Variants in PPFIBP2 observed in about 807,000 individuals in gnomAD.
PPFIBP2 encodes PPFIB scaffold protein 2.
PPFIBP2 carries 118 observed loss-of-function variants against 118.3 expected under a neutral mutation model. The observed-to-expected ratio is 1.00, with a 90% CI of 0.86 to 1.16. The LOEUF is 1.16. PPFIBP2 is among the 50% of genes most tolerant of loss of function. The probability of loss-of-function intolerance (pLI) is 0.00; values close to 1 mark genes in which losing one functional copy is unlikely to be tolerated. For missense variants in PPFIBP2, 1,195 were observed against 1,073.1 expected (o/e 1.11, Z -1.59); for synonymous variants, 414 against 397.4 (o/e 1.04, Z -0.50).
At chr11:7,521,019 T>G (rs1362764043) in intron 1 of PPFIBP2, among the ~76,000 whole-genome samples, 13 of 152,244 alleles carry the variant, frequency 8.5e-5, no homozygotes, top group African/African-American at 3.1e-4. Context: ...TGTTTAGCTT[T>G]AGGCCCAGAT....
rs548628131 is a variant in PPFIBP2, at chr11:7,531,562, G to A, written c.-37+17441G>A. 6.0e-4 allele frequency among the ~76,000 whole-genome samples: 92 copies of A among 152,296 alleles called. 1 individual carries two copies. The highest frequency in any genetic ancestry group is 3.5e-3 in the Admixed American group (54 of 15,292). ...GAGGATGTGAAGAAAGTCTCTCCTG[G>A]ATTAAGAGGGAAGGGGAACACCAGT... On this transcript the variant is annotated intron_variant, in intron 1 of 23. Transcript: ENST00000299492.
chr11:7,622,787 T>C (rs1849505928), intron 7 of PPFIBP2, among the ~76,000 whole-genome samples: 1 of 152,196 alleles, frequency 6.6e-6, no homozygotes, highest in Non-Finnish European at 1.5e-5. Context: ...GCTCAGAACC[T>C]TCCATCACAA....
At chr11:7,572,928 C>T (rs1021951685) in intron 3 of PPFIBP2, among the ~76,000 whole-genome samples, 1 of 152,162 alleles carries the variant, frequency 6.6e-6, no homozygotes, top group African/African-American at 2.4e-5. Context: ...TGCAGTTGTG[C>T]ACCACCACAC....
chr11:7,637,858 TCCTTGGGTTAG>T (rs1851647474), intron 14 of PPFIBP2, among the ~76,000 whole-genome samples: 2 of 152,164 alleles, frequency 1.3e-5, no homozygotes, highest in African/African-American at 2.4e-5. Flanking sequence ...TTAAACCCCA[TCCTTGGGTTAG>T]GTATGTGTTC....
chr11:7,562,929 T>TATATATA (rs1854461778), intron 2 of PPFIBP2, among the ~76,000 whole-genome samples: 2 of 86,536 alleles, frequency 2.3e-5, no homozygotes, highest in Non-Finnish European at 2.5e-5. Context: ...AATTAAAGTT[T>TATATATA]TATATATATA....
chr11:7,615,331 G>A (rs1449295277), intron 6 of PPFIBP2, among the ~76,000 whole-genome samples: 7 of 116,802 alleles, frequency 6.0e-5, no homozygotes, highest in East Asian at 2.1e-4. Context: ...GTGAGACTCC[G>A]TCTCAAAAAA....
chr11:7,646,122 T>G (rs1306770346), intron 17 of PPFIBP2, among the ~76,000 whole-genome samples: 2 of 152,264 alleles, frequency 1.3e-5, no homozygotes, highest in Non-Finnish European at 2.9e-5. Context: ...TCATATAAGA[T>G]GAATGATATG....
chr11:7,635,950 T>C (rs1010628450), intron 14 of PPFIBP2, among the ~76,000 whole-genome samples: 2 of 152,198 alleles, frequency 1.3e-5, no homozygotes, highest in Non-Finnish European at 2.9e-5. Context: ...TGATATGTCA[T>C]GGTTAAAAAA....
chr11:7,595,405 A>C (rs1860102096), intron 4 of PPFIBP2, among the ~76,000 whole-genome samples: 1 of 152,228 alleles, frequency 6.6e-6, no homozygotes, highest in Admixed American at 6.5e-5. Flanking sequence ...TTCATGATTG[A>C]AATAGCACAT....
chr11:7,583,903 C>T (rs1395188565), intron 3 of PPFIBP2, among the ~76,000 whole-genome samples: 2 of 152,204 alleles, frequency 1.3e-5, no homozygotes, highest in Middle Eastern at 3.2e-3. Context: ...TCCAAAGCTG[C>T]TGTTCTCACA....
chr11:7,631,468 T>G (rs992751048), intron 11 of PPFIBP2, among the ~76,000 whole-genome samples: 1 of 152,088 alleles, frequency 6.6e-6, no homozygotes, highest in East Asian at 1.9e-4. Context: ...ACCTCTGAAA[T>G]GCCGCATTCC....
chr11:7,538,881 C>G (rs779579015), intron 1 of PPFIBP2, among the ~76,000 whole-genome samples: 1 of 152,100 alleles, frequency 6.6e-6, no homozygotes, highest in South Asian at 2.1e-4. Flanking sequence ...CCCCACTGGC[C>G]TGAGCTTAAC....
At chr11:7,630,721 G>C (rs1850640184) in intron 10 of PPFIBP2, among the ~76,000 whole-genome samples, 1 of 152,194 alleles carries the variant, frequency 6.6e-6, no homozygotes, top group Non-Finnish European at 1.5e-5. Context: ...CTGTTCTGCA[G>C]ATAAACTTTG....
At chr11:7,594,268 G>GTGC (rs1859875736) in intron 4 of PPFIBP2, among the ~76,000 whole-genome samples, 1 of 132,140 alleles carries the variant, frequency 7.6e-6, no homozygotes, top group Non-Finnish European at 1.7e-5. Flanking sequence ...CTTTTTTCCA[G>GTGC]TGTTGTTGGT....
intron 15 of PPFIBP2, 118 bp downstream of exon 15, chr11:7,639,988 T>G: frequency 7.1e-7 from 1 of 1,416,536 alleles, no homozygotes; most frequent in Non-Finnish European, 9.3e-7. Context: ...GTGGGGTGGG[T>G]GGCTGGAACA....
At chr11:7,537,925 T>TTGGTCACAAAGA (rs11268059) in intron 1 of PPFIBP2, among the ~76,000 whole-genome samples, 1 of 151,804 alleles carries the variant, frequency 6.6e-6, no homozygotes, top group African/African-American at 2.4e-5. Flanking sequence ...AGGCATGGCC[T>TTGGTCACAAAGA]TGGTTGTGGC....
At chr11:7,522,849 C>T (rs1249874490) in intron 1 of PPFIBP2, among the ~76,000 whole-genome samples, 1 of 152,120 alleles carries the variant, frequency 6.6e-6, no homozygotes, top group Non-Finnish European at 1.5e-5. Flanking sequence ...TCAATGTGGG[C>T]ACGTGTATTA....
chr11:7,606,886 A>ATTT (rs529585905), intron 5 of PPFIBP2, among the ~76,000 whole-genome samples: 923 of 51,446 alleles, frequency 0.018, 300 homozygotes, highest in Non-Finnish European at 0.024. Context: ...AACTGCATGA[A>ATTT]TTTTTTTTTT....
At position 7,620,940 on chromosome 11, in the gene PPFIBP2, A is replaced by G; in HGVS notation, c.624A>G (p.Leu208=). 6.2e-7 allele frequency: 1 copy of G among 1,604,292 alleles called. No individual in the cohort carries two copies. The highest frequency in any genetic ancestry group is 8.5e-7 in the Non-Finnish European group (1 of 1,171,044). Residue 208 remains leucine, a synonymous_variant, in exon 7 of 24, where the codon TTA becomes TTG. Coordinates refer to ENST00000299492, the MANE Select transcript of PPFIBP2 (RefSeq NM_003621.5). ...QEEKQRKAEE[L]LQELRHLKIK... ...CTTTCTCCCTCATCCCCTAGGAGTT[A>G]CTGCAAGAGCTCAGGCACCTCAAAA...
Sources: gnomAD v4.1 joint callset for allele counts (sites outside exome capture counted in the v4.1 genomes callset) on GRCh38, gnomAD v4.1.1 for gene constraint, MANE v1.5 for transcripts, NCBI Gene and HGNC (gene_info 2026-07-23, HGNC 2026-07-21) for gene names.